Variants in DCAF4 observed in about 807,000 individuals in gnomAD.
DCAF4 encodes DDB1 and CUL4 associated factor 4.
Under a neutral mutation model 60.9 loss-of-function variants are expected in DCAF4, and 37 were observed. The ratio of observed to expected loss-of-function variants is 0.61; its 90% CI spans 0.47 to 0.80. DCAF4 has a LOEUF of 0.80. DCAF4 is among the 30% of genes least tolerant of loss of function. The pLI is 0.00. For missense variants in DCAF4, 577 were observed against 650.0 expected (o/e 0.89, Z 1.22); for synonymous variants, 243 against 254.8 (o/e 0.95, Z 0.44).
rs1235385133 is a variant in DCAF4 at position 72,956,324 on chromosome 14, C to T, written c.1180-62C>T. The T allele has an allele frequency of 1.8e-5, 24 of 1,368,552 alleles. No individual in the cohort carries two copies. The East Asian group carries it at 5.9e-4, about 33-fold the overall frequency. 84.8% of individuals were successfully genotyped at this position (1,368,552 alleles called of 1,614,324 possible). A position where few individuals can be genotyped will look rare whatever the true frequency, so the allele number is the denominator to read the frequency against. ...ACCACCTTGCCTTCCTGGCTTTGCA[C>T]TTGGGGACCACCATGGTACCCCCTG... On this transcript the variant is annotated intron_variant, in intron 12 of 13. Transcript: ENST00000358377.
downstream of DCAF4, chr14:72,962,011 C>T: frequency 9.2e-7 from 1 of 1,091,072 alleles, no homozygotes; most frequent in Non-Finnish European, 1.1e-6. Context: ...GCATCTCTTC[C>T]CTTCATAGCC....
rs779778858 is a variant in DCAF4, at chr14:72,955,604, A to G, written c.1087A>G (p.Lys363Glu). The change falls in exon 12 of 14, where the codon AAG becomes GAG. Residue 363 changes from lysine to glutamate, a missense_variant. Coordinates refer to ENST00000358377, the MANE Select transcript of DCAF4 (RefSeq NM_015604.4). ...LRCGNQGKGW[K>E]ATRLFHDSAV... is the part of the protein sequence containing the mutation. ...TTGTGGAAATCAAGGCAAGGGATGGAAGGCCACCCGCCTGTTTCATGATTC... is the reference window on the plus strand; with the variant it reads ...TTGTGGAAATCAAGGCAAGGGATGGGAGGCCACCCGCCTGTTTCATGATTC... The G allele has an allele frequency of 1.9e-6, 3 of 1,614,158 alleles. No individual in the cohort carries two copies. The South Asian group carries it at 3.3e-5, about 18-fold the overall frequency.
At chr14:72,944,228 T>C (rs1890428265) in intron 6 of DCAF4, among the ~76,000 whole-genome samples, 1 of 152,148 alleles carries the variant, frequency 6.6e-6, no homozygotes, top group Non-Finnish European at 1.5e-5. Flanking sequence ...TTACCGTGAC[T>C]CTGGCTGGCC....
chr14:72,961,808 T>G (rs1892833339), downstream of DCAF4: 3 of 1,029,100 alleles, frequency 2.9e-6, no homozygotes, highest in Non-Finnish European at 2.4e-6. Context: ...AGCCAAGAGG[T>G]GGACTGGAAG....
chr14:72,934,902 T>C (rs1381962632), intron 1 of DCAF4: 1 of 152,206 alleles, frequency 6.6e-6, no homozygotes, highest in Non-Finnish European at 1.5e-5. Context: ...GGGACTTAAA[T>C]GTAAAGTAGC....
rs1891456682 is a variant in DCAF4, at chr14:72,951,845, T to C, written c.776T>C (p.Leu259Pro). The change falls in exon 9 of 14, where the codon CTC (leucine) becomes CCC (proline). Residue 259 changes from leucine to proline, a missense_variant. Transcript: ENST00000358377. ...GAGACTCCAGGCTGTGCCACCCTGCTCCCAGCATCACTGTTCGTCAATAGT... is the reference window on the plus strand; with the variant it reads ...GAGACTCCAGGCTGTGCCACCCTGCCCCCAGCATCACTGTTCGTCAATAGT... ...LAETPGCATL[L>P]PASLFVNSHP... 1 of 1,614,122 alleles carries C rather than the reference T, an allele frequency of 6.2e-7. No homozygotes were observed.
intron 1 of DCAF4, among the ~76,000 whole-genome samples, chr14:72,928,578 A>G (rs1053002468): frequency 8.6e-6 from 1 of 115,656 alleles, no homozygotes; most frequent in African/African-American, 3.7e-5. Context: ...GGTGTAGTAA[A>G]CATCCTTTAT....
chr14:72,939,282 A>G (rs747303108), intron 2 of DCAF4, among the ~76,000 whole-genome samples: 1 of 152,192 alleles, frequency 6.6e-6, no homozygotes, highest in Non-Finnish European at 1.5e-5. Context: ...GTGGATTTAC[A>G]AATCAAGTGT....
intron 7 of DCAF4, 27 bp from the exon 8 acceptor site, chr14:72,947,115 C>A: frequency 6.2e-7 from 1 of 1,614,124 alleles, no homozygotes; most frequent in South Asian, 1.1e-5. Flanking sequence ...GAATAACTTT[C>A]CATCTCGCTG....
intron 6 of DCAF4, among the ~76,000 whole-genome samples, chr14:72,943,940 G>C (rs1890385535): frequency 6.6e-6 from 1 of 152,188 alleles, no homozygotes; most frequent in African/African-American, 2.4e-5. Flanking sequence ...TCCATGTAAG[G>C]GGTGTTGGGG....
chr14:72,928,137 GGCGTTA>G (rs1174473170), intron 1 of DCAF4, among the ~76,000 whole-genome samples: 1 of 140,980 alleles, frequency 7.1e-6, no homozygotes, highest in Non-Finnish European at 1.5e-5. Context: ...ACAGACCAGT[GGCGTTA>G]GCGTTTTGCA....
rs1889515658 is a variant in DCAF4 at position 72,937,959 on chromosome 14, T to C, written c.-8-12T>C. The C allele has an allele frequency of 6.3e-7, 1 of 1,578,686 alleles. No individual in the cohort carries two copies. Among genetic ancestry groups the C allele is most frequent in the Admixed American group, 2.0e-5 (1 of 50,296 alleles). On this transcript the variant is annotated splice_polypyrimidine_tract_variant and intron_variant, in intron 1 of 13. Transcript: ENST00000358377. ...ACAGAGATGTATGGATTTTTTTGTT[T>C]TTCTCTTTTAGGAACAGAAATGAAT...
At chr14:72,945,746 ACT>A (rs1890652375) in intron 6 of DCAF4, 136 bp from the exon 7 acceptor site, 1 of 1,157,582 alleles carries the variant, frequency 8.6e-7, no homozygotes. Flanking sequence ...GGTCATCTCC[ACT>A]CTCGCTCATG....
chr14:72,931,147 T>G (rs1476199474), intron 1 of DCAF4, among the ~76,000 whole-genome samples: 1 of 152,236 alleles, frequency 6.6e-6, no homozygotes, highest in African/African-American at 2.4e-5. Context: ...AAAATGGCAT[T>G]TGGAATTTTG....
At chr14:72,949,958 C>T (rs938908992) in intron 8 of DCAF4, among the ~76,000 whole-genome samples, 3 of 152,152 alleles carry the variant, frequency 2.0e-5, no homozygotes. Context: ...GGAGGGATTG[C>T]AGCCACCTTC....
chr14:72,932,679 GT>G (rs1338858823), intron 1 of DCAF4, among the ~76,000 whole-genome samples: 1 of 152,136 alleles, frequency 6.6e-6, no homozygotes, highest in Non-Finnish European at 1.5e-5. Context: ...TTGTTTTCGA[GT>G]GCTTCCTACA....
downstream of DCAF4, chr14:72,959,776 TC>T: frequency 1.9e-6 from 1 of 520,326 alleles, no homozygotes; most frequent in Non-Finnish European, 2.5e-6. Context: ...TCATCATCTG[TC>T]CATCTCCACC....
chr14:72,929,693 C>T, intron 1 of DCAF4: 1 of 1,295,978 alleles, frequency 7.7e-7, no homozygotes, highest in Non-Finnish European at 1.1e-6. Flanking sequence ...CACGGATGTG[C>T]GTCCCCACCC....
At chr14:72,929,398 CTG>C (rs1484435228) in intron 1 of DCAF4, among the ~76,000 whole-genome samples, 4 of 152,222 alleles carry the variant, frequency 2.6e-5, no homozygotes, top group Non-Finnish European at 2.9e-5. Context: ...TACTGGCTCT[CTG>C]TGTTAAATCT....
Sources: allele counts gnomAD v4.1 joint callset (sites outside exome capture counted in the v4.1 genomes callset), GRCh38; gene constraint gnomAD v4.1.1; transcripts MANE v1.5; gene names NCBI Gene and HGNC (gene_info 2026-07-23, HGNC 2026-07-21).